Variants in AGO3 observed in about 807,000 individuals in gnomAD.
AGO3 encodes protein argonaute-3.
AGO3 carries 16 observed loss-of-function variants against 105.5 expected under a neutral mutation model. The observed-to-expected ratio is 0.15, with a 90% confidence interval of 0.10 to 0.23. The LOEUF (loss-of-function observed/expected upper bound fraction) is 0.23. AGO3 is among the 10% of genes least tolerant of loss of function. The pLI is 1.00. For missense variants in AGO3, 534 were observed against 1,088.0 expected, an observed-to-expected ratio of 0.49 and a Z score of 7.16; for synonymous variants, 340 against 367.3, an observed-to-expected ratio of 0.93 and a Z score of 0.85.
chr1:35,978,117 G>A (rs1033738505), intron 5 of AGO3, among the ~76,000 whole-genome samples: 5 of 152,074 alleles, frequency 3.3e-5, no homozygotes, highest in Non-Finnish European at 5.9e-5. Context: ...TGTATATTTA[G>A]TACTTAAACT....
intron 3 of AGO3, 66 bp downstream of exon 3, chr1:35,967,141 T>TA (rs1646788763): frequency 6.5e-7 from 1 of 1,533,566 alleles, no homozygotes; most frequent in Non-Finnish European, 8.8e-7. Context: ...ACGCATTTAT[T>TA]ACCATTTTTA....
At position 35,967,143 on chromosome 1, in the gene AGO3, C is replaced by G. The variant is rs1571444494; in HGVS notation, c.312+68C>G. On this transcript the variant is annotated intron_variant, in intron 3 of 18. Transcript: ENST00000373191. ...TGTCTCCTTTTACACGCATTTATTA[C>G]CATTTTTATTACAGTCCATATATAT... is the stretch of plus-strand genomic sequence containing the variant. 2.0e-6 allele frequency: 3 copies of G among 1,525,824 alleles called. No homozygotes were observed. The East Asian group carries it at 6.8e-5, about 35-fold the overall frequency. The allele number at this position is 1,525,824 out of a possible 1,614,324, so 94.5% of individuals were successfully genotyped here. A position where few individuals can be genotyped will look rare whatever the true frequency, so the allele number is the denominator to read the frequency against.
intron 5 of AGO3, among the ~76,000 whole-genome samples, chr1:35,980,169 A>G (rs1215083153): frequency 6.6e-6 from 1 of 152,130 alleles, no homozygotes; most frequent in Admixed American, 6.5e-5. Context: ...TTGAGTAACA[A>G]TTACATTAGC....
chr1:35,943,680 T>TGTAA (rs1646301449), intron 1 of AGO3, among the ~76,000 whole-genome samples: 1 of 150,982 alleles, frequency 6.6e-6, no homozygotes, highest in Admixed American at 6.6e-5. Flanking sequence ...CTCGGCTCAC[T>TGTAA]GTAACCTCCA....
In AGO3 at chr1:35,972,221, G is replaced by A. The variant is rs140942553; in HGVS notation, c.510G>A (p.Leu170=). 2.5e-4 allele frequency: 406 copies of A among 1,613,722 alleles called. 3 individuals carry two copies. In the African/African-American group the frequency reaches 5.1e-3, roughly 20 times the overall value. ...VHAVDVVLRH[L]PSMKYTPVGR... ...CCGTTGATGTGGTGCTACGACATCTGCCCTCCATGAAGTGGGTGCTTCTGC... is the reference window on the plus strand; with the variant it reads ...CCGTTGATGTGGTGCTACGACATCTACCCTCCATGAAGTGGGTGCTTCTGC... Residue 170 remains leucine, a synonymous_variant, in exon 4 of 19, where the codon CTG becomes CTA. Coordinates refer to ENST00000373191, the MANE Select transcript of AGO3 (RefSeq NM_024852.4).
chr1:36,048,974 T>A (rs894687717), intron 17 of AGO3, among the ~76,000 whole-genome samples: 1 of 152,250 alleles, frequency 6.6e-6, no homozygotes, highest in African/African-American at 2.4e-5. Flanking sequence ...TCCAAAGTGC[T>A]GGGATTACTG....
At chr1:35,976,012 A>G (rs686650) in intron 5 of AGO3, among the ~76,000 whole-genome samples, 35,691 of 150,850 alleles carry the variant, frequency 0.24, 6,971 homozygotes, top group East Asian at 0.69. Context: ...CTCGGCTCAC[A>G]GCAACCTCCG....
chr1:36,021,689 A>G (rs1641233750), intron 11 of AGO3, among the ~76,000 whole-genome samples: 1 of 152,208 alleles, frequency 6.6e-6, no homozygotes, highest in South Asian at 2.1e-4. Context: ...CAATATGTCA[A>G]AGATTGAAAA....
intron 5 of AGO3, among the ~76,000 whole-genome samples, chr1:35,991,204 TGAGACAGGAGAACCCAGGAGGCA>T (rs1647614720): frequency 6.6e-6 from 1 of 152,034 alleles, no homozygotes; most frequent in Non-Finnish European, 1.5e-5. Flanking sequence ...CTCGGGAGGC[TGAGACAGGAGAACCCAGGAGGCA>T]GAGGTTGCAG....
At chr1:35,939,582 A>G (rs920730923) in intron 1 of AGO3, among the ~76,000 whole-genome samples, 1 of 152,118 alleles carries the variant, frequency 6.6e-6, no homozygotes, top group Non-Finnish European at 1.5e-5. Flanking sequence ...CTTCTGTTCA[A>G]TTTTGCTGTG....
At position 35,951,289 on chromosome 1, in the gene AGO3, G is replaced by A. The variant is rs572564003; in HGVS notation, c.191+5426G>A. ...TTTGGCTCAGTTTTCTTTTACAAAT[G>A]AAACATCATTTTTACTACTGTTACT... is the stretch of plus-strand genomic sequence containing the variant. On this transcript the variant is annotated intron_variant, in intron 2 of 18. Transcript: ENST00000373191. 8.5e-4 allele frequency among the ~76,000 whole-genome samples: 130 copies of A among 152,304 alleles called. 1 individual carries two copies. Among genetic ancestry groups the A allele is most frequent in the African/African-American group, 3.1e-3 (128 of 41,556 alleles).
intron 2 of AGO3, among the ~76,000 whole-genome samples, chr1:35,946,364 G>C (rs993442321): frequency 6.6e-6 from 1 of 152,038 alleles, no homozygotes; most frequent in Admixed American, 6.6e-5. Flanking sequence ...AGATTTATCA[G>C]CCTGCTTTCA....
At chr1:36,040,533 G>A (rs184187651) in intron 16 of AGO3, 92 bp downstream of exon 16, 2 of 1,391,948 alleles carry the variant, frequency 1.4e-6, no homozygotes, top group Non-Finnish European at 2.0e-6. Flanking sequence ...CCAACAGCAG[G>A]ATTTCCAATA....
intron 2 of AGO3, among the ~76,000 whole-genome samples, chr1:35,960,675 T>G (rs1197779184): frequency 6.6e-6 from 1 of 152,032 alleles, no homozygotes; most frequent in Non-Finnish European, 1.5e-5. Context: ...GAATTAATTG[T>G]GTCATATTAG....
chr1:35,944,482 T>G (rs77129608), intron 1 of AGO3, among the ~76,000 whole-genome samples: 1 of 152,064 alleles, frequency 6.6e-6, no homozygotes, highest in East Asian at 1.9e-4. Flanking sequence ...TGTTATTAGT[T>G]AAGCCCTTTT....
At chr1:36,045,227 A>G (rs1345687263) in intron 17 of AGO3, among the ~76,000 whole-genome samples, 1 of 151,752 alleles carries the variant, frequency 6.6e-6, no homozygotes, top group Non-Finnish European at 1.5e-5. Context: ...ATAAACAACT[A>G]CATTTTTTTT....
chr1:36,001,479 G>A lies in AGO3; in HGVS notation c.659-2862G>A, dbSNP rs61144725. 6.7e-3 allele frequency among the ~76,000 whole-genome samples: 1,016 copies of A among 152,260 alleles called. 8 individuals are homozygous for A. Among genetic ancestry groups the A allele is most frequent in the African/African-American group, 0.023 (964 of 41,544 alleles). ...TATAGTTTCATATTAGTACATACAA[G>A]GCACAGTATAGTGTTTCTAATGTTT... On this transcript the variant is annotated intron_variant, in intron 5 of 18. Coordinates refer to ENST00000373191, the MANE Select transcript of AGO3 (RefSeq NM_024852.4).
intron 5 of AGO3, among the ~76,000 whole-genome samples, chr1:35,984,004 G>A (rs116571605): frequency 7.4e-4 from 112 of 152,212 alleles, no homozygotes; most frequent in African/African-American, 2.5e-3. Flanking sequence ...CTATAGAAGT[G>A]GAAAAACTCT....
intron 1 of AGO3, among the ~76,000 whole-genome samples, chr1:35,937,360 G>A (rs1426011379): frequency 3.3e-5 from 5 of 151,460 alleles, no homozygotes; most frequent in Admixed American, 6.6e-5. Context: ...TTGAGGTCAC[G>A]GCATTGCACT....
Sources: gnomAD v4.1 joint callset for allele counts (sites outside exome capture counted in the v4.1 genomes callset) on GRCh38, gnomAD v4.1.1 for gene constraint, MANE v1.5 for transcripts, NCBI Gene and HGNC (gene_info 2026-07-23, HGNC 2026-07-21) for gene names.